RNF150: variants seen among roughly 807,000 people sequenced by gnomAD.
RNF150 encodes ring finger protein 150.
RNF150 carries 24 observed loss-of-function variants against 39.3 expected under a neutral mutation model. The observed-to-expected ratio is 0.61, with a 90% CI of 0.44 to 0.86. The LOEUF is 0.86. Ranked by LOEUF, RNF150 falls within the 40% of genes least tolerant of loss-of-function variation. The probability of loss-of-function intolerance (pLI) is 0.00; values close to 1 mark genes in which losing one functional copy is unlikely to be tolerated. For missense variants in RNF150, 502 were observed against 587.8 expected (o/e 0.85, Z 1.51); for synonymous variants, 255 against 227.3 (o/e 1.12, Z -1.10).
At chr4:141,204,260 T>A (rs905960094) in intron 1 of RNF150, among the ~76,000 whole-genome samples, 3 of 151,796 alleles carry the variant, frequency 2.0e-5, no homozygotes, top group African/African-American at 4.8e-5. Context: ...AGCAGGAGAG[T>A]TGAGCTTATG....
chr4:140,979,996 G>C (rs978098708), intron 1 of RNF150, among the ~76,000 whole-genome samples: 28 of 152,022 alleles, frequency 1.8e-4, no homozygotes, highest in Admixed American at 1.8e-3. Context: ...GTTTTATTTT[G>C]CTTTGAACTA....
At chr4:141,023,732 C>T (rs928705406) in intron 1 of RNF150, among the ~76,000 whole-genome samples, 3 of 152,160 alleles carry the variant, frequency 2.0e-5, no homozygotes, top group Non-Finnish European at 4.4e-5. Context: ...CTGCTAGATA[C>T]AGCTAGTGGC....
chr4:140,964,937 G>T (rs1339033366), intron 2 of RNF150, among the ~76,000 whole-genome samples: 1 of 151,746 alleles, frequency 6.6e-6, no homozygotes, highest in Non-Finnish European at 1.5e-5. Flanking sequence ...GTTAAATGGG[G>T]ATACTGCATA....
chr4:140,896,724 A>AT (rs1325903290), intron 6 of RNF150, among the ~76,000 whole-genome samples: 1 of 127,672 alleles, frequency 7.8e-6, no homozygotes, highest in Non-Finnish European at 1.6e-5. Flanking sequence ...AAACAAACAA[A>AT]AAAAAATAAT....
chr4:141,127,106 C>T (rs1164226478), intron 1 of RNF150, among the ~76,000 whole-genome samples: 1 of 152,038 alleles, frequency 6.6e-6, no homozygotes. Flanking sequence ...AGAGCTGTAG[C>T]TCTAAGCACA....
chr4:141,174,770 A>G (rs1044186644), intron 1 of RNF150, among the ~76,000 whole-genome samples: 1 of 152,168 alleles, frequency 6.6e-6, no homozygotes, highest in African/African-American at 2.4e-5. Context: ...AGGTGAACAC[A>G]GGCCAGAAAA....
chr4:141,193,634 C>T lies in RNF150; in HGVS notation c.-6+19160G>A, dbSNP rs184031819. Among the ~76,000 whole-genome samples, 4 of 152,068 alleles carry T rather than the reference C, an allele frequency of 2.6e-5. No homozygotes were observed. The East Asian group carries it at 7.8e-4, about 29-fold the overall frequency. On this transcript the variant is annotated intron_variant, in intron 1 of 7. Transcript: ENST00000420921. ...AGATTCTATCTTGTGACAAAAACAT[C>T]TTCTGCCTCCACCTGCCACAATGCA...
chr4:140,991,580 A>G (rs1734199081), intron 1 of RNF150, among the ~76,000 whole-genome samples: 1 of 152,170 alleles, frequency 6.6e-6, no homozygotes. Flanking sequence ...ATGCCAACAC[A>G]TTACAACCAT....
At chr4:141,096,622 G>A (rs1738795008) in intron 1 of RNF150, among the ~76,000 whole-genome samples, 2 of 152,170 alleles carry the variant, frequency 1.3e-5, no homozygotes, top group South Asian at 4.1e-4. Flanking sequence ...TAAGATGTAA[G>A]TCATGCAATA....
intron 6 of RNF150, among the ~76,000 whole-genome samples, chr4:140,881,401 G>A (rs1281045356): frequency 6.6e-6 from 1 of 151,930 alleles, no homozygotes; most frequent in African/African-American, 2.4e-5. Flanking sequence ...TGAGCTCAAG[G>A]GATCCATCTG....
At chr4:140,998,727 T>G (rs1219942881) in intron 1 of RNF150, among the ~76,000 whole-genome samples, 2 of 152,206 alleles carry the variant, frequency 1.3e-5, no homozygotes, top group Non-Finnish European at 2.9e-5. Flanking sequence ...TCCAGGGTCC[T>G]AGTTCCTGCA....
chr4:140,940,904 A>G (rs527564040), intron 4 of RNF150, among the ~76,000 whole-genome samples: 5 of 152,302 alleles, frequency 3.3e-5, no homozygotes, highest in African/African-American at 1.2e-4. Context: ...CTGTTGCTCT[A>G]ATAGAACCTG....
chr4:140,983,897 G>A (rs1733940237), intron 1 of RNF150, among the ~76,000 whole-genome samples: 1 of 151,840 alleles, frequency 6.6e-6, no homozygotes, highest in African/African-American at 2.4e-5. Context: ...GTGCCACCAT[G>A]CCCAGCTAAT....
chr4:141,095,824 T>A (rs1175114909), intron 1 of RNF150, among the ~76,000 whole-genome samples: 2 of 152,194 alleles, frequency 1.3e-5, no homozygotes, highest in African/African-American at 4.8e-5. Context: ...ACTGAGGGAA[T>A]CCAGGGGTTG....
intron 6 of RNF150, among the ~76,000 whole-genome samples, chr4:140,883,269 A>G (rs1729442681): frequency 6.6e-6 from 1 of 152,142 alleles, no homozygotes; most frequent in Non-Finnish European, 1.5e-5. Flanking sequence ...TTTAAATTCT[A>G]TACCAGAATT....
At chr4:140,932,091 G>A (rs1486305341) in intron 4 of RNF150, among the ~76,000 whole-genome samples, 2 of 152,168 alleles carry the variant, frequency 1.3e-5, no homozygotes, top group Non-Finnish European at 1.5e-5. Flanking sequence ...AGTGCAAGCT[G>A]TCTCATTCTC....
chr4:141,086,319 C>G (rs1738365411), intron 1 of RNF150, among the ~76,000 whole-genome samples: 1 of 152,104 alleles, frequency 6.6e-6, no homozygotes, highest in African/African-American at 2.4e-5. Context: ...AGTGAGTCTA[C>G]TAGGTTTTCT....
intron 2 of RNF150, among the ~76,000 whole-genome samples, chr4:140,960,565 C>T (rs953237761): frequency 2.6e-5 from 4 of 152,142 alleles, no homozygotes; most frequent in Admixed American, 6.6e-5. Context: ...TCACTCCTAC[C>T]CCTGCCCTCT....
At chr4:140,899,968 CTCTCTCTGTG>C (rs1359757235) in intron 6 of RNF150, among the ~76,000 whole-genome samples, 20 of 117,272 alleles carry the variant, frequency 1.7e-4, no homozygotes, top group African/African-American at 6.3e-4. Flanking sequence ...CTCTCTCTCT[CTCTCTCTGTG>C]TGTGTGTGTG....
Sources: allele counts gnomAD v4.1 joint callset (sites outside exome capture counted in the v4.1 genomes callset), GRCh38; gene constraint gnomAD v4.1.1; transcripts MANE v1.5; gene names NCBI Gene and HGNC (gene_info 2026-07-23, HGNC 2026-07-21).